The following BCL11A variants were observed in gnomAD, a reference collection of about 807,000 sequenced individuals.
BCL11A encodes B cell CLL/lymphoma 11A.
BCL11A carries 2 observed loss-of-function variants against 55.9 expected under a neutral mutation model. The ratio of observed to expected loss-of-function variants is 0.04; its 90% CI spans 0.01 to 0.11. The LOEUF (loss-of-function observed/expected upper bound fraction) is 0.11. Ranked by LOEUF, BCL11A falls within the 10% of genes least tolerant of loss-of-function variation. BCL11A has a pLI of 1.00. For synonymous variants in BCL11A, 465 were observed against 473.4 expected (o/e 0.98, Z 0.23); for missense variants, 817 against 1,137.1 (o/e 0.72, Z 4.05).
At chr2:60,456,620 T>C (rs1220682420), downstream of BCL11A, among the ~76,000 whole-genome samples, 1 of 152,168 alleles carries the variant, frequency 6.6e-6, no homozygotes, top group African/African-American at 2.4e-5. Flanking sequence ...TCTCTTTTTT[T>C]CTCCCTCTTT....
intron 1 of BCL11A, among the ~76,000 whole-genome samples, chr2:60,550,653 C>T (rs1422438483): frequency 6.6e-6 from 1 of 152,092 alleles, no homozygotes; most frequent in Admixed American, 6.5e-5. Flanking sequence ...CCCTCACCCC[C>T]TCCCAAACTG....
In BCL11A at chr2:60,460,385, GA is replaced by G; in HGVS notation, c.*18del. Reference sequence around the variant, plus strand: ...AAGGGGGTGTCAGGTGGGAGTGAGGGAGGGGTATTAATATACCTCTATTCAG... The same window carrying G: ...AAGGGGGTGTCAGGTGGGAGTGAGGGGGGGTATTAATATACCTCTATTCAG... On this transcript the variant is annotated 3_prime_UTR_variant, in exon 4 of 4. Coordinates refer to ENST00000642384, the MANE Select transcript of BCL11A (RefSeq NM_022893.4). 6.4e-7 allele frequency: 1 copy of G among 1,568,242 alleles called. No individual in the cohort carries two copies. Among genetic ancestry groups the G allele is most frequent in the Non-Finnish European group, 8.7e-7 (1 of 1,150,350 alleles).
At chr2:60,543,684 T>G (rs1670023613) in intron 2 of BCL11A, 1 of 152,246 alleles carries the variant, frequency 6.6e-6, no homozygotes, top group Non-Finnish European at 1.5e-5. Flanking sequence ...ACACTATTTA[T>G]GTTCAGCCAG....
Position 60,461,399 on chromosome 2 carries a change from GCTC to G in BCL11A, c.1510_1512del (p.Glu504del), listed in dbSNP as rs772696072. 2.6e-5 allele frequency: 42 copies of G among 1,604,956 alleles called. No homozygotes were observed. The highest frequency in any genetic ancestry group is 8.4e-5 in the Admixed American group (5 of 59,668). On this transcript the variant is annotated inframe_deletion, in exon 4 of 4. Transcript: ENST00000642384. The stretch of plus-strand genomic sequence containing the variant: ...TAGTCCACCCTCTCGCTCTCCGTCA[GCTC>G]CTCCTCCTCCTCTTCCTCCTCTTCT...
At position 60,470,502 on chromosome 2, in the gene BCL11A, T is replaced by C. The variant is rs535627225; in HGVS notation, c.386-1669A>G. Among the ~76,000 whole-genome samples the C allele has an allele frequency of 2.0e-3, 302 of 152,320 alleles. 1 individual carries two copies. The highest frequency in any genetic ancestry group is 5.6e-3 in the South Asian group (27 of 4,820). Reference sequence around the variant, plus strand: ...GAAACACAGGCAACCCAGGTATCTCTGTGATCCCAGCATAAACGCAACAGG... The same window carrying C: ...GAAACACAGGCAACCCAGGTATCTCCGTGATCCCAGCATAAACGCAACAGG... On this transcript the variant is annotated intron_variant, in intron 2 of 3. Coordinates refer to ENST00000642384, the MANE Select transcript of BCL11A (RefSeq NM_022893.4).
At chr2:60,522,307 A>G (rs755711808) in intron 2 of BCL11A, 4 of 152,242 alleles carry the variant, frequency 2.6e-5, no homozygotes, top group Non-Finnish European at 4.4e-5. Flanking sequence ...ACACCTCTGT[A>G]TGTATTTTTT....
In BCL11A at chr2:60,515,299, A is replaced by T. The variant is rs367969247; in HGVS notation, c.385+30672T>A. Among the ~76,000 whole-genome samples, 15 of 152,312 alleles carry T rather than the reference A, an allele frequency of 9.8e-5. No individual in the cohort carries two copies. The East Asian group carries it at 1.5e-3, about 16-fold the overall frequency. ...TTGCCCAGCCTCACACCTTCCCTGG[A>T]CAGGGAGCTGGGGATCCATTCAAAG... On this transcript the variant is annotated intron_variant, in intron 2 of 3. Transcript: ENST00000642384.
intron 1 of BCL11A, among the ~76,000 whole-genome samples, chr2:60,548,082 T>C (rs528295369): frequency 6.6e-6 from 1 of 152,366 alleles, no homozygotes; most frequent in South Asian, 2.1e-4. Context: ...TGCCTTAATG[T>C]CATTCTTCTC....
At chr2:60,551,819 G>T (rs1670425183) in intron 1 of BCL11A, among the ~76,000 whole-genome samples, 1 of 150,278 alleles carries the variant, frequency 6.7e-6, no homozygotes, top group African/African-American at 2.4e-5. Flanking sequence ...GCTGGGGCGC[G>T]GCGAGGTCGG....
At position 60,486,690 on chromosome 2, in the gene BCL11A, A is replaced by T. The variant is rs180761281; in HGVS notation, c.386-17857T>A. Among the ~76,000 whole-genome samples, 12 of 152,302 alleles carry T rather than the reference A, an allele frequency of 7.9e-5. No individual in the cohort carries two copies. In the East Asian group the frequency reaches 2.3e-3, roughly 29 times the overall value. Reference sequence around the variant, plus strand: ...GTGAACATGCCAACTCAACATCAGGATTGGGCCTGAAACTTCTCTCAGGAA... The same window carrying T: ...GTGAACATGCCAACTCAACATCAGGTTTGGGCCTGAAACTTCTCTCAGGAA... On this transcript the variant is annotated intron_variant, in intron 2 of 3. Coordinates refer to ENST00000642384, the MANE Select transcript of BCL11A (RefSeq NM_022893.4).
At chr2:60,498,571 C>T (rs917019279) in intron 2 of BCL11A, among the ~76,000 whole-genome samples, 3 of 152,210 alleles carry the variant, frequency 2.0e-5, no homozygotes, top group African/African-American at 7.2e-5. Context: ...ATTATTTAGC[C>T]ACCTCTGGCA....
chr2:60,527,489 G>C (rs546070384), intron 2 of BCL11A: 2 of 152,256 alleles, frequency 1.3e-5, no homozygotes, highest in African/African-American at 4.8e-5. Context: ...TCCATGCCCC[G>C]GGACAGAGTG....
intron 2 of BCL11A, among the ~76,000 whole-genome samples, chr2:60,507,666 A>C (rs1679723926): frequency 6.6e-6 from 1 of 151,830 alleles, no homozygotes; most frequent in African/African-American, 2.4e-5. Context: ...TGCTGTCCTA[A>C]GTCGGCTACT....
chr2:60,456,143 G>C (rs1675923940), downstream of BCL11A, among the ~76,000 whole-genome samples: 1 of 152,020 alleles, frequency 6.6e-6, no homozygotes, highest in African/African-American at 2.4e-5. Flanking sequence ...ACATGAAAAG[G>C]CCACCTCACA....
chr2:60,469,637 G>A (rs558607000), intron 2 of BCL11A, among the ~76,000 whole-genome samples: 3 of 152,354 alleles, frequency 2.0e-5, no homozygotes, highest in Admixed American at 2.0e-4. Context: ...CTCTGGTGAA[G>A]ACAAGTGACT....
At position 60,468,774 on chromosome 2, in the gene BCL11A, G is replaced by C; in HGVS notation, c.445C>G (p.Pro149Ala). The C allele has an allele frequency of 6.2e-7, 1 of 1,609,728 alleles. No homozygotes were observed. The highest frequency in any genetic ancestry group is 8.5e-7 in the Non-Finnish European group (1 of 1,178,938). Residue 149 changes from proline (P) to alanine (A), a missense_variant, in exon 3 of 4, where the codon CCC (proline) becomes GCC (alanine). This residue lies in a region of BCL11A where 363 missense variants were observed against 486.6 expected (regional missense o/e 0.75). Transcript: ENST00000642384. ...TATTCTGCACTCATCCCAGGCGTGGGGATTAGAGCTCCATGTGCAGAACGA... is the reference window on the plus strand; with the variant it reads ...TATTCTGCACTCATCCCAGGCGTGGCGATTAGAGCTCCATGTGCAGAACGA... Reference protein sequence around the residue: ...SPRSAHGALIPTPGMSAEYAP... With the variant: ...SPRSAHGALIATPGMSAEYAP...
chr2:60,477,958 C>A (rs953344866), intron 2 of BCL11A, among the ~76,000 whole-genome samples: 1 of 138,502 alleles, frequency 7.2e-6, no homozygotes, highest in Non-Finnish European at 1.6e-5. Flanking sequence ...TTATGGAAAG[C>A]TTTTTTTTTT....
intron 1 of BCL11A, among the ~76,000 whole-genome samples, chr2:60,552,866 T>C (rs1407172529): frequency 7.1e-6 from 1 of 140,290 alleles, no homozygotes; most frequent in Non-Finnish European, 1.6e-5. Flanking sequence ...CTTAGCATTG[T>C]TCATTATTTT....
At chr2:60,494,024 G>T (rs1311607565) in intron 2 of BCL11A, among the ~76,000 whole-genome samples, 1 of 152,106 alleles carries the variant, frequency 6.6e-6, no homozygotes, top group African/African-American at 2.4e-5. Context: ...GTGGACAAAA[G>T]ACAGGACAGC....
Sources: allele counts gnomAD v4.1 joint callset (sites outside exome capture counted in the v4.1 genomes callset), GRCh38; gene constraint gnomAD v4.1.1; regional missense constraint gnomAD v4.1.1; transcripts MANE v1.5; gene names NCBI Gene and HGNC (gene_info 2026-07-23, HGNC 2026-07-21).